ASTN2: variants seen among roughly 807,000 people sequenced by gnomAD.
ASTN2 encodes the protein astrotactin 2.
In ASTN2, 54 loss-of-function variants were observed where a neutral mutation model predicts 139.8. That is an observed-to-expected ratio of 0.39 (90% CI 0.31 to 0.48). The LOEUF is 0.48. ASTN2 is among the 20% of genes least tolerant of loss of function. The pLI is 0.95. For missense variants in ASTN2, 1,565 were observed against 1,725.1 expected, an observed-to-expected ratio of 0.91 and a Z score of 1.64; for synonymous variants, 756 against 719.5, an observed-to-expected ratio of 1.05 and a Z score of -0.81.
At chr9:117,279,515 A>T (rs889454843) in intron 2 of ASTN2, among the ~76,000 whole-genome samples, 1 of 152,258 alleles carries the variant, frequency 6.6e-6, no homozygotes, top group Non-Finnish European at 1.5e-5. Context: ...GGCACAGAGA[A>T]GTTAAGTAAC....
At chr9:116,586,695 C>T (rs1416363139) in intron 19 of ASTN2, among the ~76,000 whole-genome samples, 1 of 151,934 alleles carries the variant, frequency 6.6e-6, no homozygotes, top group African/African-American at 2.4e-5. Flanking sequence ...GTACTATGCT[C>T]ACTACCTGGG....
At chr9:117,138,167 T>G (rs1330800186) in intron 4 of ASTN2, among the ~76,000 whole-genome samples, 1 of 152,210 alleles carries the variant, frequency 6.6e-6, no homozygotes, top group Admixed American at 6.5e-5. Context: ...AGCAAAAATT[T>G]AAAATTTTAG....
chr9:116,682,576 C>A (rs1291416852), intron 16 of ASTN2, among the ~76,000 whole-genome samples: 2 of 152,172 alleles, frequency 1.3e-5, no homozygotes, highest in Admixed American at 6.5e-5. Context: ...CGCATTCACA[C>A]GTATGTTTAC....
chr9:117,046,046 G>A (rs1487521332), intron 5 of ASTN2, among the ~76,000 whole-genome samples: 2 of 151,410 alleles, frequency 1.3e-5, no homozygotes, highest in Non-Finnish European at 2.9e-5. Context: ...TGTCACCCAG[G>A]CTGGAGTGCA....
chr9:116,796,359 A>G (rs145713981), intron 13 of ASTN2, among the ~76,000 whole-genome samples: 4 of 152,148 alleles, frequency 2.6e-5, no homozygotes, highest in African/African-American at 9.7e-5. Flanking sequence ...CGCTTTCCCG[A>G]ATCCCTTTTC....
In ASTN2 at chr9:116,462,787, C is replaced by CGTGTGTGTGTGT. The variant is rs1376062376; in HGVS notation, c.3498-20235_3498-20234insACACACACACAC. ...TCTTTAAGGGTAAGTGTTGGGTGAG[C>CGTGTGTGTGTGT]ATGTGTGTGTGTGTGTGTGTGTGTG... On this transcript the variant is annotated intron_variant, in intron 20 of 22. Transcript: ENST00000313400. Among the ~76,000 whole-genome samples, 294 of 97,628 alleles carry CGTGTGTGTGTGT rather than the reference C, an allele frequency of 3.0e-3. 12 individuals are homozygous for CGTGTGTGTGTGT. In the South Asian group the frequency reaches 0.058, roughly 19 times the overall value. 64.0% of individuals were successfully genotyped at this position (97,628 alleles called of 152,430 possible).
intron 1 of ASTN2, among the ~76,000 whole-genome samples, chr9:117,323,163 GCA>G (rs1328876825): frequency 1.3e-5 from 2 of 151,780 alleles, no homozygotes; most frequent in African/African-American, 2.4e-5. Flanking sequence ...TTTTATGTGT[GCA>G]CACACACACA....
chr9:116,485,563 G>A (rs946707073), intron 20 of ASTN2, among the ~76,000 whole-genome samples: 1 of 152,196 alleles, frequency 6.6e-6, no homozygotes, highest in Non-Finnish European at 1.5e-5. Context: ...AGAGTGTGTA[G>A]AGTTGTGCTC....
At chr9:116,877,778 C>A (rs563687449) in intron 10 of ASTN2, among the ~76,000 whole-genome samples, 2,043 of 151,904 alleles carry the variant, frequency 0.013, 48 homozygotes, top group African/African-American at 0.046. Flanking sequence ...ATTCCTCTGG[C>A]AAAAAAAGCC....
intron 16 of ASTN2, among the ~76,000 whole-genome samples, chr9:116,712,802 A>G (rs753509896): frequency 6.6e-6 from 1 of 152,228 alleles, no homozygotes; most frequent in African/African-American, 2.4e-5. Flanking sequence ...TATACCTTTC[A>G]TTGTGTGTTA....
At chr9:117,169,315 G>A (rs1412340685) in intron 3 of ASTN2, among the ~76,000 whole-genome samples, 3 of 152,216 alleles carry the variant, frequency 2.0e-5, no homozygotes, top group African/African-American at 2.4e-5. Flanking sequence ...TCTGTTTGCT[G>A]TGACAGGATT....
At chr9:116,601,971 A>G (rs1396990668) in intron 19 of ASTN2, among the ~76,000 whole-genome samples, 2 of 152,200 alleles carry the variant, frequency 1.3e-5, no homozygotes, top group Non-Finnish European at 2.9e-5. Context: ...TTCAAGATAA[A>G]GAACAGATAA....
At chr9:117,303,481 TA>T (rs1471239772) in intron 1 of ASTN2, among the ~76,000 whole-genome samples, 1 of 152,104 alleles carries the variant, frequency 6.6e-6, no homozygotes, top group East Asian at 1.9e-4. Context: ...ACCCCTGCTT[TA>T]TAGCCCCCTA....
chr9:116,425,705 A>G lies in ASTN2; in HGVS notation c.*146T>C. ...TCTCTGTCCACTATCCACAGGAGAA[A>G]CCGTTTGCTTTGGCCTTGCTGGCAA... On this transcript the variant is annotated 3_prime_UTR_variant, in exon 23 of 23. Transcript: ENST00000313400. 2 of 1,607,346 alleles carry G rather than the reference A, an allele frequency of 1.2e-6. No individual in the cohort carries two copies. The highest frequency in any genetic ancestry group is 1.7e-6 in the Non-Finnish European group (2 of 1,177,550).
chr9:117,363,236 G>A (rs1829741767), intron 1 of ASTN2, among the ~76,000 whole-genome samples: 1 of 152,172 alleles, frequency 6.6e-6, no homozygotes, highest in South Asian at 2.1e-4. Context: ...CATTCATGAA[G>A]CATCTGTTAA....
At chr9:117,221,175 C>G (rs7871952) in intron 2 of ASTN2, among the ~76,000 whole-genome samples, 26,648 of 152,014 alleles carry the variant, frequency 0.18, 2,582 homozygotes, top group South Asian at 0.28. Context: ...TCGTATGCCC[C>G]TTTGCTGCTT....
rs992363058 is a variant in ASTN2, at chr9:117,230,118, A to C, written c.631-15376T>G. Among the ~76,000 whole-genome samples, 32 of 36,734 alleles carry C rather than the reference A, an allele frequency of 8.7e-4. 1 individual carries two copies. Among genetic ancestry groups the C allele is most frequent in the Non-Finnish European group, 1.8e-3 (29 of 15,940 alleles). The allele number at this position is 36,734 out of a possible 152,430, so 24.1% of individuals were successfully genotyped here. On this transcript the variant is annotated intron_variant, in intron 2 of 22. Coordinates refer to ENST00000313400, the MANE Select transcript of ASTN2 (RefSeq NM_001365068.1). ...GAGTTTGAGGTAAGACTCTATCTTA[A>C]AAAAAAAAAAAAGCCCTATTGATCC... is the stretch of plus-strand genomic sequence containing the variant.
intron 17 of ASTN2, among the ~76,000 whole-genome samples, chr9:116,621,480 TG>T (rs1856151322): frequency 6.6e-6 from 1 of 151,820 alleles, no homozygotes; most frequent in South Asian, 2.1e-4. Flanking sequence ...ATTCTATGCC[TG>T]GAATATTCCC....
At chr9:117,342,050 C>T (rs1829077168) in intron 1 of ASTN2, among the ~76,000 whole-genome samples, 1 of 152,182 alleles carries the variant, frequency 6.6e-6, no homozygotes, top group Admixed American at 6.5e-5. Context: ...AGGACCTGGT[C>T]AAATATCACC....
Sources: gnomAD v4.1 joint callset for allele counts (sites outside exome capture counted in the v4.1 genomes callset) on GRCh38, gnomAD v4.1.1 for gene constraint, MANE v1.5 for transcripts, NCBI Gene and HGNC (gene_info 2026-07-23, HGNC 2026-07-21) for gene names.